The following GALNT13 variants were observed in gnomAD, a reference collection of about 807,000 sequenced individuals.
GALNT13 encodes the protein polypeptide N-acetylgalactosaminyltransferase 13.
In GALNT13, 28 loss-of-function variants were observed where a neutral mutation model predicts 64.2. The observed-to-expected ratio is 0.44, with a 90% CI of 0.32 to 0.60. The LOEUF is 0.60. Among genes scored for constraint, GALNT13 ranks in the 20% least tolerant of loss-of-function variants. GALNT13 has a pLI of 0.05. For missense variants in GALNT13, 577 were observed against 669.8 expected, an observed-to-expected ratio of 0.86 and a Z score of 1.53; for synonymous variants, 214 against 224.6, an observed-to-expected ratio of 0.95 and a Z score of 0.42.
the GALNT13 span, among the ~76,000 whole-genome samples, chr2:153,292,060 G>C: frequency 6.6e-6 from 1 of 152,144 alleles, no homozygotes; most frequent in Non-Finnish European, 1.5e-5. Flanking sequence ...AGGCGTTTCT[G>C]GTGCTTGGTT....
At chr2:154,138,223 C>G (rs1181185305) in intron 3 of GALNT13, among the ~76,000 whole-genome samples, 1 of 151,942 alleles carries the variant, frequency 6.6e-6, no homozygotes, top group African/African-American at 2.4e-5. Context: ...GCTTTTGGGC[C>G]TAAAAGGTTC....
the GALNT13 span, among the ~76,000 whole-genome samples, chr2:153,257,099 G>C: frequency 6.6e-6 from 1 of 152,236 alleles, no homozygotes; most frequent in Admixed American, 6.5e-5. Context: ...CTAGCAATCA[G>C]TGAGACTCCC....
the GALNT13 span, among the ~76,000 whole-genome samples, chr2:153,853,662 G>A: frequency 6.6e-6 from 1 of 151,112 alleles, no homozygotes; most frequent in Non-Finnish European, 1.5e-5. Flanking sequence ...AATATACACT[G>A]TGTGATTCAA....
At chr2:154,412,726 A>G (rs1447574026) in intron 11 of GALNT13, among the ~76,000 whole-genome samples, 1 of 151,778 alleles carries the variant, frequency 6.6e-6, no homozygotes, top group Non-Finnish European at 1.5e-5. Flanking sequence ...AAATGGAGTT[A>G]ATGAAAGTTT....
chr2:154,446,593 C>T (rs769839028), intron 12 of GALNT13: 2 of 1,546,740 alleles, frequency 1.3e-6, no homozygotes, highest in South Asian at 2.4e-5. Context: ...CATATAATCA[C>T]CCAGTCTTGT....
the GALNT13 span, among the ~76,000 whole-genome samples, chr2:153,320,097 C>T: frequency 6.6e-6 from 1 of 152,176 alleles, no homozygotes; most frequent in Non-Finnish European, 1.5e-5. Flanking sequence ...GATTTCATGG[C>T]TGGGGCACAT....
chr2:153,519,597 C>T, the GALNT13 span, among the ~76,000 whole-genome samples: 2 of 152,042 alleles, frequency 1.3e-5, no homozygotes, highest in Non-Finnish European at 2.9e-5. Flanking sequence ...AAAGTTTCTT[C>T]TTCAATCAGT....
At chr2:154,280,947 G>C (rs897308872) in intron 8 of GALNT13, among the ~76,000 whole-genome samples, 1 of 152,150 alleles carries the variant, frequency 6.6e-6, no homozygotes, top group Non-Finnish European at 1.5e-5. Context: ...TCACAGTTGA[G>C]AGTAATTGAT....
At chr2:154,149,654 G>A (rs1167611155) in intron 4 of GALNT13, among the ~76,000 whole-genome samples, 1 of 152,134 alleles carries the variant, frequency 6.6e-6, no homozygotes, top group Non-Finnish European at 1.5e-5. Context: ...TCCCTTGTAA[G>A]TTGGATTCCT....
chr2:154,269,872 C>A (rs1211157540), intron 8 of GALNT13, among the ~76,000 whole-genome samples: 11 of 77,866 alleles, frequency 1.4e-4, no homozygotes, highest in Non-Finnish European at 3.0e-4. Flanking sequence ...GACAGTGCTA[C>A]TAAAGATTGT....
chr2:153,244,081 T>G, the GALNT13 span, among the ~76,000 whole-genome samples: 9 of 151,880 alleles, frequency 5.9e-5, no homozygotes, highest in African/African-American at 1.9e-4. Context: ...GAAAGATTTT[T>G]GTTTGTTTTT....
the GALNT13 span, among the ~76,000 whole-genome samples, chr2:153,443,125 T>C: frequency 6.6e-6 from 1 of 152,178 alleles, no homozygotes; most frequent in Non-Finnish European, 1.5e-5. Context: ...TAGCTCGGTA[T>C]CTGTCCAAAT....
chr2:153,749,532 T>C, the GALNT13 span, among the ~76,000 whole-genome samples: 1 of 152,188 alleles, frequency 6.6e-6, no homozygotes, highest in East Asian at 1.9e-4. Context: ...TTTCATACTT[T>C]GCATTATAGA....
the GALNT13 span, among the ~76,000 whole-genome samples, chr2:153,281,325 T>C: frequency 0.028 from 4,329 of 152,212 alleles, 221 homozygotes; most frequent in African/African-American, 0.099. Context: ...CTTGCGTTTT[T>C]TTTTTTAATC....
At chr2:154,058,997 G>A (rs185547542) in intron 3 of GALNT13, among the ~76,000 whole-genome samples, 1 of 152,308 alleles carries the variant, frequency 6.6e-6, no homozygotes. Flanking sequence ...TCTGACTAGG[G>A]TGGAACAGTA....
chr2:153,981,297 A>G (rs916914284), intron 3 of GALNT13, among the ~76,000 whole-genome samples: 3 of 152,086 alleles, frequency 2.0e-5, no homozygotes, highest in Non-Finnish European at 2.9e-5. Flanking sequence ...TACATGTGCC[A>G]TGTTGGTGTG....
At chr2:154,378,594 C>T (rs1698110606) in intron 9 of GALNT13, among the ~76,000 whole-genome samples, 2 of 152,080 alleles carry the variant, frequency 1.3e-5, no homozygotes. Flanking sequence ...AAGTATGTAA[C>T]AAATGTGAAT....
At chr2:153,326,559 T>C in the GALNT13 span, among the ~76,000 whole-genome samples, 1 of 152,194 alleles carries the variant, frequency 6.6e-6, no homozygotes, top group Non-Finnish European at 1.5e-5. Context: ...ACCCATTAGT[T>C]GATGCAGTTT....
rs1278769862 is a variant in GALNT13, at chr2:154,452,216, T to C, written c.*1665T>C. 6.6e-6 allele frequency: 1 copy of C among 152,070 alleles called. No homozygotes were observed. Among genetic ancestry groups the C allele is most frequent in the African/African-American group, 2.4e-5 (1 of 41,434 alleles). 9.4% of individuals were successfully genotyped at this position (152,070 alleles called of 1,614,324 possible). ...TGAATCCGTGAATTTCCTAAAATTG[T>C]AAGCAAAATGTTGAATATCAGGGCA... On this transcript the variant is annotated 3_prime_UTR_variant, in exon 13 of 13. Coordinates refer to ENST00000392825, the MANE Select transcript of GALNT13 (RefSeq NM_052917.4).
Sources: allele counts gnomAD v4.1 joint callset (sites outside exome capture counted in the v4.1 genomes callset), GRCh38; gene constraint gnomAD v4.1.1; transcripts MANE v1.5; gene names NCBI Gene and HGNC (gene_info 2026-07-23, HGNC 2026-07-21).